The following NAALADL2 variants were observed in gnomAD, a reference collection of about 807,000 sequenced individuals.
NAALADL2 encodes N-acetylated alpha-linked acidic dipeptidase like 2.
In NAALADL2, 76 loss-of-function variants were observed where a neutral mutation model predicts 87.2. The observed-to-expected ratio is 0.87, with a 90% CI of 0.72 to 1.05. The LOEUF (loss-of-function observed/expected upper bound fraction) is 1.05, where lower values mean the gene tolerates loss of function less well. Among genes scored for constraint, NAALADL2 ranks in the 50% least tolerant of loss-of-function variants. The pLI is 0.00. For missense variants in NAALADL2, 1,089 were observed against 945.8 expected (o/e 1.15, Z -1.99); for synonymous variants, 354 against 331.0 (o/e 1.07, Z -0.75).
chr3:174,564,093 T>C (rs1380808889), intron 2 of NAALADL2, among the ~76,000 whole-genome samples: 3 of 152,100 alleles, frequency 2.0e-5, no homozygotes, highest in Non-Finnish European at 2.9e-5. Flanking sequence ...GTTAGGGAGT[T>C]GGTAATGGGG....
At chr3:175,059,722 G>A (rs1042903722) in intron 1 of NAALADL2, 2 of 307,836 alleles carry the variant, frequency 6.5e-6, no homozygotes, top group African/African-American at 4.5e-5. Context: ...CAGATCCAAG[G>A]AGATCAATGT....
intron 11 of NAALADL2, among the ~76,000 whole-genome samples, chr3:175,638,988 T>C (rs1482039012): frequency 6.6e-6 from 1 of 152,212 alleles, no homozygotes; most frequent in African/African-American, 2.4e-5. Flanking sequence ...CTTGTCCATC[T>C]TGATATGTCC....
At chr3:175,172,193 T>A (rs959676130) in intron 2 of NAALADL2, among the ~76,000 whole-genome samples, 1 of 152,098 alleles carries the variant, frequency 6.6e-6, no homozygotes, top group African/African-American at 2.4e-5. Context: ...TATGTATCCA[T>A]AAAAAGATAC....
intron 9 of NAALADL2, among the ~76,000 whole-genome samples, chr3:175,541,394 C>T (rs904562664): frequency 3.9e-5 from 6 of 152,154 alleles, no homozygotes; most frequent in African/African-American, 1.2e-4. Context: ...ACCTAGCCTA[C>T]CTTAAAGGTG....
intron 1 of NAALADL2, among the ~76,000 whole-genome samples, chr3:174,957,085 T>G (rs1315394765): frequency 2.6e-5 from 4 of 151,932 alleles, no homozygotes; most frequent in Non-Finnish European, 4.4e-5. Context: ...GATGCTTATT[T>G]TTTTTGTTCC....
intron 3 of NAALADL2, among the ~76,000 whole-genome samples, chr3:175,236,373 C>A (rs1305133129): frequency 6.6e-6 from 1 of 151,860 alleles, no homozygotes; most frequent in East Asian, 1.9e-4. Context: ...CAGTGAAACC[C>A]TGTCTCTACT....
intron 1 of NAALADL2, among the ~76,000 whole-genome samples, chr3:174,499,809 C>T (rs1718777624): frequency 6.6e-6 from 1 of 151,976 alleles, no homozygotes; most frequent in Non-Finnish European, 1.5e-5. Flanking sequence ...TGACACTGTA[C>T]TTTCTTGACT....
At chr3:175,040,470 G>T (rs150120199) in intron 1 of NAALADL2, among the ~76,000 whole-genome samples, 1 of 152,094 alleles carries the variant, frequency 6.6e-6, no homozygotes, top group South Asian at 2.1e-4. Context: ...AAACTTACGG[G>T]GGCCGTTTCC....
At chr3:175,742,653 T>C (rs1242302347) in intron 12 of NAALADL2, among the ~76,000 whole-genome samples, 1 of 152,180 alleles carries the variant, frequency 6.6e-6, no homozygotes, top group African/African-American at 2.4e-5. Context: ...CGCCTTGGCC[T>C]CCCAAAGTAC....
intron 2 of NAALADL2, among the ~76,000 whole-genome samples, chr3:174,574,381 A>T (rs1017884663): frequency 2.6e-5 from 4 of 152,116 alleles, no homozygotes; most frequent in African/African-American, 9.7e-5. Context: ...CTCTTTCTGG[A>T]AAATTAGATA....
At chr3:175,790,855 A>C (rs1337592586) in intron 13 of NAALADL2, among the ~76,000 whole-genome samples, 1 of 152,232 alleles carries the variant, frequency 6.6e-6, no homozygotes, top group Non-Finnish European at 1.5e-5. Flanking sequence ...CATAATGCTA[A>C]TTAAATCATG....
At chr3:175,763,087 T>TAAA (rs1221727710) in intron 13 of NAALADL2, among the ~76,000 whole-genome samples, 5 of 149,596 alleles carry the variant, frequency 3.3e-5, no homozygotes, top group African/African-American at 1.3e-4. Context: ...CTGACTCAAA[T>TAAA]AAATAAATAA....
At chr3:175,176,391 C>A (rs1359333686) in intron 2 of NAALADL2, among the ~76,000 whole-genome samples, 1 of 152,048 alleles carries the variant, frequency 6.6e-6, no homozygotes, top group Non-Finnish European at 1.5e-5. Context: ...ATATTTTAGG[C>A]CCTAGCCCTT....
chr3:174,667,266 T>C (rs1726041711), intron 2 of NAALADL2, among the ~76,000 whole-genome samples: 1 of 152,140 alleles, frequency 6.6e-6, no homozygotes, highest in African/African-American at 2.4e-5. Context: ...AGGAGTCCAA[T>C]TAACAAGAGC....
intron 1 of NAALADL2, among the ~76,000 whole-genome samples, chr3:174,892,671 C>G (rs1026646208): frequency 1.3e-5 from 2 of 152,038 alleles, no homozygotes; most frequent in African/African-American, 4.8e-5. Flanking sequence ...CGCCTGTAAT[C>G]CCAGCACTTA....
intron 2 of NAALADL2, among the ~76,000 whole-genome samples, chr3:174,618,388 A>G (rs953123787): frequency 5.3e-5 from 8 of 151,718 alleles, no homozygotes; most frequent in Admixed American, 2.0e-4. Flanking sequence ...TCAAGTCTCT[A>G]TTATCTCTAT....
intron 2 of NAALADL2, among the ~76,000 whole-genome samples, chr3:175,232,970 A>G (rs1745207195): frequency 6.6e-6 from 1 of 152,204 alleles, no homozygotes; most frequent in African/African-American, 2.4e-5. Context: ...TAGGTACTAT[A>G]CAAAATTTTT....
At chr3:175,341,853 A>G (rs546949285) in intron 5 of NAALADL2, among the ~76,000 whole-genome samples, 1 of 152,216 alleles carries the variant, frequency 6.6e-6, no homozygotes, top group Non-Finnish European at 1.5e-5. Flanking sequence ...TGTATATGGT[A>G]TGATGTAGGA....
chr3:174,989,632 A>T (rs1221422851), intron 1 of NAALADL2, among the ~76,000 whole-genome samples: 1 of 152,188 alleles, frequency 6.6e-6, no homozygotes, highest in African/African-American at 2.4e-5. Context: ...TGTAATATGG[A>T]CTAAAGGAAA....
Sources: allele counts gnomAD v4.1 joint callset (sites outside exome capture counted in the v4.1 genomes callset), GRCh38; gene constraint gnomAD v4.1.1; transcripts MANE v1.5; gene names NCBI Gene and HGNC (gene_info 2026-07-23, HGNC 2026-07-21).